The following ANK1 variants were observed in gnomAD, a reference collection of about 807,000 sequenced individuals.
The protein encoded by ANK1 is ankyrin 1.
ANK1 carries 51 observed loss-of-function variants against 210.4 expected under a neutral mutation model. That is an observed-to-expected ratio of 0.24 (90% CI 0.19 to 0.31). ANK1 has a LOEUF of 0.31. ANK1 is among the 10% of genes least tolerant of loss of function. ANK1 has a pLI of 1.00. For synonymous variants in ANK1, 967 were observed against 1,025.9 expected (o/e 0.94, Z 1.10); for missense variants, 2,051 against 2,504.4 (o/e 0.82, Z 3.86).
At chr8:41,755,609 G>T (rs1430001293) in intron 2 of ANK1, among the ~76,000 whole-genome samples, 1 of 152,204 alleles carries the variant, frequency 6.6e-6, no homozygotes, top group African/African-American at 2.4e-5. Context: ...GCCTATGGGG[G>T]GCTGGGGCAA....
chr8:41,870,271 G>A (rs536728852), intron 1 of ANK1, among the ~76,000 whole-genome samples: 1 of 151,106 alleles, frequency 6.6e-6, no homozygotes, highest in African/African-American at 2.4e-5. Context: ...CTAAGTTTTT[G>A]CTTAAAAAAA....
At chr8:41,671,518 G>C (rs1320932397) in intron 38 of ANK1, among the ~76,000 whole-genome samples, 1 of 152,126 alleles carries the variant, frequency 6.6e-6, no homozygotes, top group Non-Finnish European at 1.5e-5. Context: ...ATGTCCCTAA[G>C]TGAGCCCTTC....
chr8:41,725,663 C>G (rs1051541845), intron 6 of ANK1, 98 bp downstream of exon 6: 3 of 1,505,566 alleles, frequency 2.0e-6, no homozygotes, highest in South Asian at 1.2e-5. Context: ...GCCCTGCACG[C>G]TCGGTTCTCC....
At chr8:41,769,229 G>A (rs1018420892) in intron 1 of ANK1, among the ~76,000 whole-genome samples, 4 of 152,174 alleles carry the variant, frequency 2.6e-5, no homozygotes, top group Admixed American at 6.5e-5. Flanking sequence ...CACAGCACTG[G>A]GGCTGAACTT....
intron 35 of ANK1, 91 bp downstream of exon 35, chr8:41,688,065 G>A: frequency 7.0e-7 from 1 of 1,419,028 alleles, no homozygotes; most frequent in South Asian, 1.1e-5. Flanking sequence ...GATAAAAGGA[G>A]GGTTAGAAAT....
In ANK1 at chr8:41,693,131, G is replaced by A; in HGVS notation, c.3603C>T (p.Ala1201=). ...TTKLVYANEC[A]NFTTNVSARF... The stretch of plus-strand genomic sequence containing the variant: ...TGGCAGAGACATTGGTGGTGAAGTT[G>A]GCGCACTCGTTGGCATATACAAGTT... Residue 1201 remains alanine, a synonymous_variant, in exon 30 of 43, where the codon GCC becomes GCT. Transcript: ENST00000289734. 3.1e-6 allele frequency: 5 copies of A among 1,613,484 alleles called. No individual in the cohort carries two copies. The highest frequency in any genetic ancestry group is 4.2e-6 in the Non-Finnish European group (5 of 1,179,400).
At chr8:41,695,555 G>A (rs1173309758) in intron 26 of ANK1, among the ~76,000 whole-genome samples, 2 of 152,240 alleles carry the variant, frequency 1.3e-5, no homozygotes, top group Non-Finnish European at 2.9e-5. Context: ...GTGACAGTGA[G>A]GGCAGGACCA....
chr8:41,735,410 T>G (rs570215699), intron 2 of ANK1, among the ~76,000 whole-genome samples: 89 of 152,288 alleles, frequency 5.8e-4, no homozygotes, highest in African/African-American at 2.1e-3. Flanking sequence ...TCCCCTCCTG[T>G]CCTCCTCCTC....
chr8:41,720,872 G>A (rs1044736482), intron 9 of ANK1, among the ~76,000 whole-genome samples: 4 of 152,116 alleles, frequency 2.6e-5, no homozygotes, highest in Non-Finnish European at 4.4e-5. Context: ...CATGCAGTTC[G>A]ACAGTCCGGG....
At chr8:41,723,721 C>A (rs1829910277) in intron 7 of ANK1, 88 bp from the exon 8 acceptor site, 1 of 1,126,086 alleles carries the variant, frequency 8.9e-7, no homozygotes. Flanking sequence ...CCCCAGCCCC[C>A]AGTCCCCAGG....
chr8:41,656,496 G>C (rs1196339726), intron 42 of ANK1, among the ~76,000 whole-genome samples: 1 of 152,234 alleles, frequency 6.6e-6, no homozygotes, highest in Non-Finnish European at 1.5e-5. Context: ...GAGGAACTAA[G>C]CCCACATTCT....
At chr8:41,665,029 C>T in intron 39 of ANK1, 1 of 1,613,100 alleles carries the variant, frequency 6.2e-7, no homozygotes, top group South Asian at 1.1e-5. Flanking sequence ...CACATCCTCG[C>T]CTCCTCACCA....
At chr8:41,679,446 C>A (rs933987310) in intron 37 of ANK1, among the ~76,000 whole-genome samples, 2 of 151,932 alleles carry the variant, frequency 1.3e-5, no homozygotes, top group African/African-American at 4.8e-5. Context: ...GAATAGCTGG[C>A]TAATACTCAT....
intron 1 of ANK1, among the ~76,000 whole-genome samples, chr8:41,832,797 AT>A (rs940485648): frequency 5.3e-5 from 8 of 152,328 alleles, no homozygotes; most frequent in Admixed American, 5.2e-4. Flanking sequence ...CAATATTTGT[AT>A]GTGTTTTTAT....
rs1805505414 is a variant in ANK1, at chr8:41,655,875, TC to T, written c.*37-123del. The T allele has an allele frequency of 5.1e-6, 6 of 1,166,612 alleles. No homozygotes were observed. In the Admixed American group the frequency reaches 7.6e-5, roughly 15 times the overall value. 72.3% of individuals were successfully genotyped at this position (1,166,612 alleles called of 1,614,324 possible). The stretch of plus-strand genomic sequence containing the variant: ...CGAATCTGACTCAGGAAAAGCAGTC[TC>T]CCCAGGCAGGGCGATGTGCTGAGGG... On this transcript the variant is annotated intron_variant, in intron 42 of 42. Coordinates refer to ENST00000289734, the MANE Select transcript of ANK1 (RefSeq NM_000037.4).
chr8:41,816,498 G>T (rs531522511), intron 1 of ANK1, among the ~76,000 whole-genome samples: 2 of 152,090 alleles, frequency 1.3e-5, no homozygotes, highest in Admixed American at 6.5e-5. Context: ...GAGTGCAGTG[G>T]TGCAATCATA....
intron 2 of ANK1, among the ~76,000 whole-genome samples, chr8:41,749,590 G>A (rs933109924): frequency 6.0e-5 from 9 of 149,680 alleles, no homozygotes; most frequent in Admixed American, 2.0e-4. Context: ...GAGCTACTGC[G>A]CCTGGCCTCA....
intron 42 of ANK1, among the ~76,000 whole-genome samples, chr8:41,657,534 G>T (rs977421438): frequency 6.6e-6 from 1 of 152,194 alleles, no homozygotes; most frequent in Non-Finnish European, 1.5e-5. Context: ...AAACACTGAG[G>T]GCAAGAACAG....
intron 1 of ANK1, among the ~76,000 whole-genome samples, chr8:41,838,059 A>C (rs1808116888): frequency 6.6e-6 from 1 of 152,070 alleles, no homozygotes; most frequent in Non-Finnish European, 1.5e-5. Flanking sequence ...TGGCCCCCTC[A>C]CCAGTGCCTA....
Sources: gnomAD v4.1 joint callset for allele counts (sites outside exome capture counted in the v4.1 genomes callset) on GRCh38, gnomAD v4.1.1 for gene constraint, MANE v1.5 for transcripts, NCBI Gene and HGNC (gene_info 2026-07-23, HGNC 2026-07-21) for gene names.